CMSS1: variants seen among roughly 807,000 people sequenced by gnomAD.
CMSS1 encodes cms1 ribosomal small subunit homolog.
In CMSS1, 33 loss-of-function variants were observed where a neutral mutation model predicts 43.5. That is an observed-to-expected ratio of 0.76 (90% CI 0.57 to 1.01). The LOEUF is 1.01. CMSS1 is among the 50% of genes least tolerant of loss of function. The pLI is 0.00. For missense variants in CMSS1, 313 were observed against 326.4 expected (o/e 0.96, Z 0.32); for synonymous variants, 115 against 117.2 (o/e 0.98, Z 0.12).
chr3:100,133,179 A>G (rs2066723679), intron 1 of CMSS1, among the ~76,000 whole-genome samples: 1 of 152,228 alleles, frequency 6.6e-6, no homozygotes, highest in Admixed American at 6.5e-5. Context: ...CTAAGTAATG[A>G]TAGAAGAACA....
intron 1 of CMSS1, among the ~76,000 whole-genome samples, chr3:100,072,892 G>A (rs1224135620): frequency 6.6e-6 from 1 of 152,128 alleles, no homozygotes; most frequent in Non-Finnish European, 1.5e-5. Context: ...ACTTGTCACT[G>A]AAAACCTCGC....
At chr3:100,034,658 G>C (rs1290725133) in intron 1 of CMSS1, among the ~76,000 whole-genome samples, 2 of 152,164 alleles carry the variant, frequency 1.3e-5, no homozygotes, top group Non-Finnish European at 2.9e-5. Context: ...TAGTATTTAG[G>C]TAAGACAGTG....
At position 100,178,352 on chromosome 3, in the gene CMSS1, G is replaced by A; in HGVS notation, c.804G>A (p.Leu268=). Residue 268 remains leucine (L), a synonymous_variant, in exon 10 of 10, where the codon CTG becomes CTA. Transcript: ENST00000421999. ...FELLEMGVLS[L]CKSESLKLGL... is the part of the protein sequence containing the mutation. ...TTCTGGAAATGGGAGTGCTCAGTCTGTGCAAGTCAGAATCCTTGAAACTGG... is the reference window on the plus strand; with the variant it reads ...TTCTGGAAATGGGAGTGCTCAGTCTATGCAAGTCAGAATCCTTGAAACTGG... 1 of 1,613,234 alleles carries A rather than the reference G, an allele frequency of 6.2e-7. No homozygotes were observed. The highest frequency in any genetic ancestry group is 8.5e-7 in the Non-Finnish European group (1 of 1,179,308).
chr3:99,909,897 C>A (rs1706738878), intron 1 of CMSS1, among the ~76,000 whole-genome samples: 1 of 152,114 alleles, frequency 6.6e-6, no homozygotes, highest in Non-Finnish European at 1.5e-5. Context: ...GTGAACCCTT[C>A]ATATTCAGAG....
chr3:100,011,528 A>G (rs1710156635), intron 1 of CMSS1, among the ~76,000 whole-genome samples: 1 of 152,196 alleles, frequency 6.6e-6, no homozygotes, highest in African/African-American at 2.4e-5. Flanking sequence ...TATAAACTAA[A>G]TACCTGACAA....
At chr3:99,964,993 T>C (rs1482418338) in intron 1 of CMSS1, among the ~76,000 whole-genome samples, 1 of 152,244 alleles carries the variant, frequency 6.6e-6, no homozygotes, top group East Asian at 1.9e-4. Flanking sequence ...ATTGTATTTC[T>C]TGAAGTACCT....
chr3:99,883,719 A>C (rs981317430), intron 1 of CMSS1, among the ~76,000 whole-genome samples: 1 of 152,196 alleles, frequency 6.6e-6, no homozygotes, highest in Non-Finnish European at 1.5e-5. Context: ...TCATTGTTAT[A>C]ATAATAACAA....
intron 1 of CMSS1, among the ~76,000 whole-genome samples, chr3:100,061,099 CCTTTA>C (rs1448963655): frequency 2.0e-5 from 3 of 151,406 alleles, no homozygotes; most frequent in African/African-American, 4.9e-5. Context: ...TAGAAGTTGA[CCTTTA>C]CTTCTAATCA....
intron 1 of CMSS1, among the ~76,000 whole-genome samples, chr3:100,020,760 C>CTTTTTTTTTTTTTTTTTTTTTTTTT (rs34665880): frequency 1.4e-5 from 1 of 70,994 alleles, no homozygotes. Flanking sequence ...GAATAATTAG[C>CTTTTTTTTTTTTTTTTTTTTTTTTT]TTTTTTTTTT....
rs986680311 is a variant in CMSS1, at chr3:99,917,332, C to G, written c.64+99289C>G. 3.3e-5 allele frequency among the ~76,000 whole-genome samples: 5 copies of G among 152,264 alleles called. No homozygotes were observed. The South Asian group carries it at 1.0e-3, about 32-fold the overall frequency. ...TTATTTTGAGTGCCTTGTCTTTTCA[C>G]CTGTATTTTAGTTGTGTGTAAAATT... On this transcript the variant is annotated intron_variant, in intron 1 of 9. Coordinates refer to ENST00000421999, the MANE Select transcript of CMSS1 (RefSeq NM_032359.4).
chr3:100,149,854 C>T (rs959420886), intron 2 of CMSS1, among the ~76,000 whole-genome samples: 1 of 152,192 alleles, frequency 6.6e-6, no homozygotes, highest in African/African-American at 2.4e-5. Flanking sequence ...CATCTCAGCC[C>T]TTTGTCCCAG....
chr3:100,117,093 C>T (rs1435554455), intron 1 of CMSS1, among the ~76,000 whole-genome samples: 1 of 152,076 alleles, frequency 6.6e-6, no homozygotes, highest in Non-Finnish European at 1.5e-5. Context: ...TATTTATTCA[C>T]ATAAATAAAT....
At chr3:99,970,469 T>G (rs1408661045) in intron 1 of CMSS1, among the ~76,000 whole-genome samples, 1 of 152,272 alleles carries the variant, frequency 6.6e-6, no homozygotes, top group East Asian at 1.9e-4. Context: ...TACTCTGTGC[T>G]TCCCCACCCT....
In CMSS1 at chr3:99,951,405, G is replaced by A. The variant is rs78106979; in HGVS notation, c.64+133362G>A. Among the ~76,000 whole-genome samples the A allele has an allele frequency of 5.2e-3, 788 of 152,152 alleles. 11 individuals are homozygous for A. Among genetic ancestry groups the A allele is most frequent in the African/African-American group, 0.017 (691 of 41,506 alleles). ...GTCTGTTTGCTCACGGATACCTTGC[G>A]CATAGTATGTACTCTGTCGAATGAA... On this transcript the variant is annotated intron_variant, in intron 1 of 9. Coordinates refer to ENST00000421999, the MANE Select transcript of CMSS1 (RefSeq NM_032359.4).
At chr3:99,985,255 A>G (rs867706237) in intron 1 of CMSS1, among the ~76,000 whole-genome samples, 2 of 152,182 alleles carry the variant, frequency 1.3e-5, no homozygotes, top group African/African-American at 4.8e-5. Flanking sequence ...TCTAGGGCCC[A>G]TCATGGTGGC....
chr3:99,876,253 T>A, intron 1 of CMSS1: 1 of 982,850 alleles, frequency 1.0e-6, no homozygotes, highest in Non-Finnish European at 1.2e-6. Context: ...TGTGCGGCGC[T>A]GTCGGCGGGG....
intron 1 of CMSS1, among the ~76,000 whole-genome samples, chr3:99,893,192 G>C (rs775582220): frequency 3.7e-4 from 49 of 132,538 alleles, no homozygotes; most frequent in Non-Finnish European, 6.7e-4. Context: ...TTGAGATAGA[G>C]TCTCACTCTG....
intron 1 of CMSS1, among the ~76,000 whole-genome samples, chr3:100,129,377 A>G (rs2066688709): frequency 6.6e-6 from 1 of 152,198 alleles, no homozygotes; most frequent in African/African-American, 2.4e-5. Context: ...AAGGAAACCA[A>G]CATTACCTTT....
chr3:100,178,216 A>G (rs2067163653), intron 9 of CMSS1, 89 bp from the exon 10 acceptor site: 4 of 716,438 alleles, frequency 5.6e-6, no homozygotes, highest in African/African-American at 1.8e-5. Context: ...AGCTGGGTAA[A>G]TATCAGGGAG....
Sources: allele counts gnomAD v4.1 joint callset (sites outside exome capture counted in the v4.1 genomes callset), GRCh38; gene constraint gnomAD v4.1.1; transcripts MANE v1.5; gene names NCBI Gene and HGNC (gene_info 2026-07-23, HGNC 2026-07-21).